Variants in DLG2 observed in about 807,000 individuals in gnomAD.
DLG2 encodes discs large MAGUK scaffold protein 2.
In DLG2, 45 loss-of-function variants were observed where a neutral mutation model predicts 132.5. The ratio of observed to expected loss-of-function variants is 0.34; its 90% confidence interval spans 0.27 to 0.44. The LOEUF is 0.44. Among genes scored for constraint, DLG2 ranks in the 20% least tolerant of loss-of-function variants. DLG2 has a pLI of 1.00. For synonymous variants in DLG2, 424 were observed against 419.6 expected (o/e 1.01, Z -0.13); for missense variants, 1,045 against 1,196.9 (o/e 0.87, Z 1.87).
At chr11:84,543,485 T>C (rs1184267652) in intron 6 of DLG2, among the ~76,000 whole-genome samples, 1 of 152,190 alleles carries the variant, frequency 6.6e-6, no homozygotes, top group Non-Finnish European at 1.5e-5. Flanking sequence ...ATTTCTGTGA[T>C]GATTCGCTGG....
intron 18 of DLG2, among the ~76,000 whole-genome samples, chr11:83,678,859 T>G (rs1296328279): frequency 2.6e-5 from 4 of 152,212 alleles, no homozygotes; most frequent in Non-Finnish European, 5.9e-5. Flanking sequence ...TATATCAAAT[T>G]TTATACTTCG....
chr11:84,088,382 A>C (rs192472090), intron 10 of DLG2, among the ~76,000 whole-genome samples: 2 of 152,132 alleles, frequency 1.3e-5, no homozygotes, highest in African/African-American at 4.8e-5. Context: ...AGAGAAAAAA[A>C]AAAAAACAAA....
chr11:84,705,145 C>A (rs1011051168), intron 6 of DLG2, among the ~76,000 whole-genome samples: 9 of 151,552 alleles, frequency 5.9e-5, no homozygotes, highest in African/African-American at 1.7e-4. Flanking sequence ...TTAACTAACA[C>A]ATGGAAAATA....
chr11:83,749,575 C>T (rs1157066524), intron 18 of DLG2, among the ~76,000 whole-genome samples: 1 of 152,152 alleles, frequency 6.6e-6, no homozygotes, highest in Non-Finnish European at 1.5e-5. Flanking sequence ...ACAGAGCCCC[C>T]ACCCAGCAGC....
intron 6 of DLG2, among the ~76,000 whole-genome samples, chr11:84,834,834 A>G (rs2154000304): frequency 6.6e-6 from 1 of 151,648 alleles, no homozygotes. Flanking sequence ...TAAATATCAA[A>G]GAATTTCTCC....
At chr11:84,694,974 G>A (rs1022567648) in intron 6 of DLG2, among the ~76,000 whole-genome samples, 18 of 151,428 alleles carry the variant, frequency 1.2e-4, no homozygotes, top group Non-Finnish European at 2.4e-4. Flanking sequence ...TAAATTGTTC[G>A]CCTCATTGCT....
At position 84,301,983 on chromosome 11, in the gene DLG2, T is replaced by C. The variant is rs552585092; in HGVS notation, c.520-50692A>G. On this transcript the variant is annotated intron_variant, in intron 7 of 27. Coordinates refer to ENST00000376104, the MANE Select transcript of DLG2 (RefSeq NM_001142699.3). Reference sequence around the variant, plus strand: ...TCAATAATAGACTGGATAAAGAAAATGTGACACGCATACACCAGGGAATAC... The same window carrying C: ...TCAATAATAGACTGGATAAAGAAAACGTGACACGCATACACCAGGGAATAC... Among the ~76,000 whole-genome samples the C allele has an allele frequency of 7.9e-5, 12 of 152,042 alleles. 1 individual carries two copies. The highest frequency in any genetic ancestry group is 6.2e-4 in the South Asian group (3 of 4,814).
chr11:85,563,842 G>T (rs2077388449), intron 3 of DLG2, among the ~76,000 whole-genome samples: 1 of 152,082 alleles, frequency 6.6e-6, no homozygotes, highest in African/African-American at 2.4e-5. Flanking sequence ...TATACAAGTG[G>T]AAAGGTAGGT....
At chr11:84,549,953 T>C (rs1416227864) in intron 6 of DLG2, among the ~76,000 whole-genome samples, 2 of 151,936 alleles carry the variant, frequency 1.3e-5, no homozygotes, top group Non-Finnish European at 2.9e-5. Flanking sequence ...ACAGTGTTTC[T>C]CCATGTAGGC....
At chr11:84,498,549 A>G (rs1416321240) in intron 7 of DLG2, among the ~76,000 whole-genome samples, 1 of 152,178 alleles carries the variant, frequency 6.6e-6, no homozygotes, top group African/African-American at 2.4e-5. Context: ...TGCTAAAACT[A>G]CAACTCAAAA....
intron 3 of DLG2, among the ~76,000 whole-genome samples, chr11:85,548,772 T>A (rs1483034541): frequency 2.0e-5 from 3 of 152,110 alleles, no homozygotes; most frequent in African/African-American, 7.2e-5. Flanking sequence ...AACTTCCCAG[T>A]GTCTTTGTTT....
chr11:84,275,725 T>C (rs1233994480), intron 7 of DLG2, among the ~76,000 whole-genome samples: 1 of 152,166 alleles, frequency 6.6e-6, no homozygotes, highest in African/African-American at 2.4e-5. Context: ...AAGGAGAATC[T>C]AACAGAAGGG....
chr11:83,518,328 G>A (rs1270396680), intron 21 of DLG2, among the ~76,000 whole-genome samples: 2 of 152,194 alleles, frequency 1.3e-5, no homozygotes, highest in African/African-American at 4.8e-5. Flanking sequence ...GCCAGGCGCG[G>A]GATATAATCT....
chr11:83,669,304 A>G (rs1005725329), intron 18 of DLG2, among the ~76,000 whole-genome samples: 2 of 152,196 alleles, frequency 1.3e-5, no homozygotes, highest in Non-Finnish European at 2.9e-5. Context: ...AGAAGGCCAC[A>G]TATAAAAGCA....
chr11:84,856,816 T>G lies in DLG2; in HGVS notation c.357+254845A>C, dbSNP rs1172367260. On this transcript the variant is annotated intron_variant, in intron 6 of 27. Coordinates refer to ENST00000376104, the MANE Select transcript of DLG2 (RefSeq NM_001142699.3). ...CCTTCTCTCAGCCTCTTTCTGCCTCTTCTCTATACTAGCCTTGCTGCGGTT... is the reference window on the plus strand; with the variant it reads ...CCTTCTCTCAGCCTCTTTCTGCCTCGTCTCTATACTAGCCTTGCTGCGGTT... Among the ~76,000 whole-genome samples the G allele has an allele frequency of 2.0e-5, 3 of 152,150 alleles. No homozygotes were observed. The East Asian group carries it at 5.8e-4, about 29-fold the overall frequency.
Position 85,352,033 on chromosome 11 carries a change from T to A in DLG2, c.41-66668A>T, listed in dbSNP as rs534011563. On this transcript the variant is annotated intron_variant, in intron 3 of 27. Transcript: ENST00000376104. ...GATAGAATCTGGCTGTAAATCCATCTGGTCCTGGACTTTTTTTGGTTGGTA... is the reference window on the plus strand; with the variant it reads ...GATAGAATCTGGCTGTAAATCCATCAGGTCCTGGACTTTTTTTGGTTGGTA... Among the ~76,000 whole-genome samples the A allele has an allele frequency of 1.4e-4, 22 of 152,324 alleles. No individual in the cohort carries two copies. The East Asian group carries it at 3.7e-3, about 25-fold the overall frequency.
At chr11:83,520,679 ACAGGTAAG>A (rs1450611451) in intron 21 of DLG2, among the ~76,000 whole-genome samples, 1 of 127,046 alleles carries the variant, frequency 7.9e-6, no homozygotes, top group Non-Finnish European at 1.8e-5. Context: ...AGAAAGACAG[ACAGGTAAG>A]TAGGTAGGTA....
At chr11:84,505,252 T>A (rs1165217864) in intron 7 of DLG2, among the ~76,000 whole-genome samples, 1 of 152,144 alleles carries the variant, frequency 6.6e-6, no homozygotes, top group Non-Finnish European at 1.5e-5. Context: ...ATAAGTGAAA[T>A]GTAAATTTTA....
intron 4 of DLG2, among the ~76,000 whole-genome samples, chr11:85,229,153 T>A (rs992361371): frequency 6.6e-6 from 1 of 151,348 alleles, no homozygotes; most frequent in Non-Finnish European, 1.5e-5. Context: ...TGTTTTCATA[T>A]GTTGTATACA....
Sources: gnomAD v4.1 joint callset for allele counts (sites outside exome capture counted in the v4.1 genomes callset) on GRCh38, gnomAD v4.1.1 for gene constraint, MANE v1.5 for transcripts, NCBI Gene and HGNC (gene_info 2026-07-23, HGNC 2026-07-21) for gene names.